Variants in SNX6 observed in about 807,000 individuals in gnomAD.
The protein encoded by SNX6 is sorting nexin-6.
Under a neutral mutation model 63.0 loss-of-function variants are expected in SNX6, and 34 were observed. The observed-to-expected ratio is 0.54, with a 90% CI of 0.41 to 0.72. The LOEUF is 0.72. SNX6 is among the 30% of genes least tolerant of loss of function. The pLI is 0.00. For synonymous variants in SNX6, 170 were observed against 164.2 expected (o/e 1.04, Z -0.27); for missense variants, 398 against 471.4 (o/e 0.84, Z 1.44).
chr14:34,625,450 C>A (rs1013423926), intron 2 of SNX6, among the ~76,000 whole-genome samples: 2 of 151,796 alleles, frequency 1.3e-5, no homozygotes, highest in Admixed American at 1.3e-4. Flanking sequence ...AAGCAGTTAT[C>A]GGCCGGGCGC....
rs201421350 is a variant in SNX6, at chr14:34,626,971, T to TG, written c.54+2935_54+2936insC. Among the ~76,000 whole-genome samples, 667 of 152,284 alleles carry TG rather than the reference T, an allele frequency of 4.4e-3. 1 individual carries two copies. The highest frequency in any genetic ancestry group is 0.017 in the Middle Eastern group (5 of 294). On this transcript the variant is annotated intron_variant, in intron 2 of 13. Coordinates refer to ENST00000362031, the MANE Select transcript of SNX6 (RefSeq NM_152233.4). ...CTATAATCAACTCCTCATACTTCATTAAGTAACTCTGCTAGTTTCCGCTAT... is the reference window on the plus strand; with the variant it reads ...CTATAATCAACTCCTCATACTTCATTGAAGTAACTCTGCTAGTTTCCGCTAT...
At chr14:34,609,213 C>T (rs528199310) in intron 3 of SNX6, among the ~76,000 whole-genome samples, 3 of 151,960 alleles carry the variant, frequency 2.0e-5, no homozygotes, top group Admixed American at 6.6e-5. Flanking sequence ...TGGCTGGGCG[C>T]GGTGGCTCAC....
chr14:34,574,492 A>AT (rs1881600456), intron 11 of SNX6, among the ~76,000 whole-genome samples: 1 of 151,866 alleles, frequency 6.6e-6, no homozygotes, highest in African/African-American at 2.4e-5. Flanking sequence ...TCTACTAAAA[A>AT]TACGAAAACT....
chr14:34,629,583 G>C, intron 2 of SNX6: 1 of 615,690 alleles, frequency 1.6e-6, no homozygotes, highest in South Asian at 1.5e-5. Context: ...AGTGTCGAGG[G>C]AGGGTGGGGG....
intron 8 of SNX6, among the ~76,000 whole-genome samples, chr14:34,592,444 T>C (rs1882433298): frequency 6.6e-6 from 1 of 152,156 alleles, no homozygotes; most frequent in African/African-American, 2.4e-5. Flanking sequence ...CTCGTCCAGT[T>C]TGTTGCCACT....
intron 2 of SNX6, among the ~76,000 whole-genome samples, chr14:34,621,951 C>CTTTTTTTTTTTTTTTTTTTTTTTTT (rs1037764907): frequency 1.3e-5 from 1 of 77,408 alleles, no homozygotes; most frequent in Non-Finnish European, 2.3e-5. Context: ...CATGTCTTTC[C>CTTTTTTTTTTTTTTTTTTTTTTTTT]TTTTTTTTTT....
At chr14:34,570,539 G>C (rs993926781) in intron 11 of SNX6, among the ~76,000 whole-genome samples, 2 of 150,414 alleles carry the variant, frequency 1.3e-5, no homozygotes. Context: ...CTCCACCTCA[G>C]CCTCCCAAGT....
At chr14:34,624,659 G>A (rs1334087897) in intron 2 of SNX6, among the ~76,000 whole-genome samples, 1 of 151,710 alleles carries the variant, frequency 6.6e-6, no homozygotes, top group Non-Finnish European at 1.5e-5. Context: ...AGCTGGGCGT[G>A]GTGGCGTGCA....
At chr14:34,578,021 T>C (rs1277920598) in intron 10 of SNX6, among the ~76,000 whole-genome samples, 6 of 151,880 alleles carry the variant, frequency 4.0e-5, no homozygotes, top group Admixed American at 3.9e-4. Context: ...CTGGCCAACA[T>C]GGTGAAACCC....
Position 34,598,756 on chromosome 14 carries a change from T to C in SNX6, c.517-1111A>G, listed in dbSNP as rs945788326. ...GGCCTGAGCCAGGCACAGTGGCTCC[T>C]GCTTGGAGTCCCAGCTACTTGGGAG... On this transcript the variant is annotated intron_variant, in intron 6 of 13. Coordinates refer to ENST00000362031, the MANE Select transcript of SNX6 (RefSeq NM_152233.4). Among the ~76,000 whole-genome samples, 9 of 152,286 alleles carry C rather than the reference T, an allele frequency of 5.9e-5. No individual in the cohort carries two copies. The East Asian group carries it at 1.5e-3, about 26-fold the overall frequency.
intron 4 of SNX6, among the ~76,000 whole-genome samples, chr14:34,606,159 G>C (rs998583448): frequency 1.1e-4 from 16 of 151,102 alleles, no homozygotes; most frequent in African/African-American, 3.4e-4. Flanking sequence ...GGGTGATAGA[G>C]GAAGACCCTG....
chr14:34,595,041 G>A (rs908053707), intron 7 of SNX6, among the ~76,000 whole-genome samples: 9 of 152,094 alleles, frequency 5.9e-5, no homozygotes, highest in African/African-American at 1.9e-4. Context: ...GCAGTGAGCC[G>A]AGATTGGGGC....
At chr14:34,624,514 G>A (rs191566228) in intron 2 of SNX6, among the ~76,000 whole-genome samples, 3 of 152,180 alleles carry the variant, frequency 2.0e-5, no homozygotes, top group Admixed American at 2.0e-4. Flanking sequence ...TTGCTTACTT[G>A]TAGCTGGACG....
intron 4 of SNX6, 139 bp downstream of exon 4, chr14:34,607,889 CAG>C: frequency 2.2e-6 from 1 of 452,368 alleles, no homozygotes; most frequent in Middle Eastern, 6.4e-4. Context: ...GCCTGGGCAA[CAG>C]AGTGAGACTC....
rs199802568 is a variant in SNX6 at position 34,563,105 on chromosome 14, G to T, written c.*17C>A. ...TGAAGGAAGGCAGCCCTTTTTAACA[G>T]GAAGGCGGAGTGTGGCTTATGTGTC... is the stretch of plus-strand genomic sequence containing the variant. On this transcript the variant is annotated 3_prime_UTR_variant, in exon 14 of 14. Coordinates refer to ENST00000362031, the MANE Select transcript of SNX6 (RefSeq NM_152233.4). 1.5e-3 allele frequency: 2,486 copies of T among 1,612,836 alleles called. 4 individuals carry two copies. The highest frequency in any genetic ancestry group is 1.7e-3 in the Non-Finnish European group (2,062 of 1,179,080).
intron 2 of SNX6, among the ~76,000 whole-genome samples, chr14:34,624,624 C>T (rs1033747661): frequency 3.3e-5 from 5 of 151,598 alleles, no homozygotes; most frequent in Non-Finnish European, 5.9e-5. Context: ...GGTGAAACCT[C>T]GTCTCTACTA....
chr14:34,609,156 T>G (rs1053431554), intron 3 of SNX6, among the ~76,000 whole-genome samples: 2 of 151,984 alleles, frequency 1.3e-5, no homozygotes, highest in Non-Finnish European at 2.9e-5. Flanking sequence ...ATTTGCCTTC[T>G]GTCTAGGTTC....
chr14:34,624,940 G>A (rs1292569766), intron 2 of SNX6, among the ~76,000 whole-genome samples: 2 of 152,102 alleles, frequency 1.3e-5, no homozygotes, highest in Non-Finnish European at 1.5e-5. Flanking sequence ...TTTCGAGACA[G>A]AGTCTCGCAC....
chr14:34,599,526 G>C (rs1440249421), intron 6 of SNX6, among the ~76,000 whole-genome samples: 1 of 151,210 alleles, frequency 6.6e-6, no homozygotes, highest in Non-Finnish European at 1.5e-5. Flanking sequence ...AGAATCTTTT[G>C]AACCCAGGAG....
Sources: gnomAD v4.1 joint callset for allele counts (sites outside exome capture counted in the v4.1 genomes callset) on GRCh38, gnomAD v4.1.1 for gene constraint, MANE v1.5 for transcripts, NCBI Gene and HGNC (gene_info 2026-07-23, HGNC 2026-07-21) for gene names.